Variants in IFFO1 observed in about 807,000 individuals in gnomAD.
IFFO1 encodes non-homologous end joining factor IFFO1.
IFFO1 carries 42 observed loss-of-function variants against 59.6 expected under a neutral mutation model. The observed-to-expected ratio is 0.70, with a 90% CI of 0.55 to 0.91. The LOEUF (loss-of-function observed/expected upper bound fraction) is 0.91, where lower values mean the gene tolerates loss of function less well. Among genes scored for constraint, IFFO1 ranks in the 40% least tolerant of loss-of-function variants. The probability of loss-of-function intolerance (pLI) is 0.00; values close to 1 mark genes in which losing one functional copy is unlikely to be tolerated. For missense variants in IFFO1, 711 were observed against 793.2 expected (o/e 0.90, Z 1.24); for synonymous variants, 336 against 342.8 (o/e 0.98, Z 0.22).
intron 8 of IFFO1, among the ~76,000 whole-genome samples, chr12:6,544,107 G>A (rs1169177549): frequency 6.6e-6 from 1 of 152,066 alleles, no homozygotes; most frequent in Non-Finnish European, 1.5e-5. Context: ...AAAGGTTGGG[G>A]ACTGCTGCCT....
intron 8 of IFFO1, chr12:6,544,937 G>C (rs1305966991): frequency 6.6e-6 from 1 of 152,236 alleles, no homozygotes; most frequent in Admixed American, 6.5e-5. Context: ...AGTCAAGGCC[G>C]GGCGCGGTGG....
rs775451966 is a variant in IFFO1 at position 6,549,774 on chromosome 12, G to GTCC, written c.1050_1052dup (p.Glu350dup). 2 of 1,613,888 alleles carry GTCC rather than the reference G, an allele frequency of 1.2e-6. No homozygotes were observed. The highest frequency in any genetic ancestry group is 1.7e-6 in the Non-Finnish European group (2 of 1,179,770). On this transcript the variant is annotated inframe_insertion, in exon 4 of 10. Transcript: ENST00000619571. This position sits in a 1 kb window ranked among gnomAD's most constrained non-coding sequence, Gnocchi z 5.0. ...TCCTCACCTGGAACATCTGGATCATGTCCTCGCAGTTGCGCTGCTGAGCCA... is the reference window on the plus strand; with the variant it reads ...TCCTCACCTGGAACATCTGGATCATGTCCTCCTCGCAGTTGCGCTGCTGAGCCA...
At chr12:6,551,469 G>A in intron 1 of IFFO1, 2 of 1,292,842 alleles carry the variant, frequency 1.5e-6, no homozygotes, top group Non-Finnish European at 2.0e-6. Context: ...CCGCTGCCCT[G>A]CCTCTTGTGG....
intron 1 of IFFO1, chr12:6,551,648 C>T (rs1034516501): frequency 3.7e-5 from 16 of 433,262 alleles, no homozygotes; most frequent in African/African-American, 1.4e-4. Flanking sequence ...GCTCAGAGGC[C>T]GGAAGTCCCA....
chr12:6,547,739 AAG>A (rs138238391), intron 8 of IFFO1, among the ~76,000 whole-genome samples: 90 of 144,672 alleles, frequency 6.2e-4, no homozygotes, highest in Admixed American at 6.2e-4. Flanking sequence ...GGGGGAGGGG[AAG>A]AGAGAGAGAG....
chr12:6,541,375 C>CCA lies in IFFO1; in HGVS notation c.1610+135_1610+136dup. 2 of 1,121,506 alleles carry CCA rather than the reference C, an allele frequency of 1.8e-6. No homozygotes were observed. Among genetic ancestry groups the CCA allele is most frequent in the Non-Finnish European group, 2.5e-6 (2 of 789,248 alleles). The allele number at this position is 1,121,506 out of a possible 1,614,324, so 69.5% of individuals were successfully genotyped here. A position where few individuals can be genotyped will look rare whatever the true frequency, so the allele number is the denominator to read the frequency against. ...AGAGAGCTGTGGGTCTGGGCCAGCC[C>CCA]CACCAGGTAACTCCCAAAGGGCAGC... On this transcript the variant is annotated intron_variant, in intron 9 of 9. Coordinates refer to ENST00000619571, the MANE Select transcript of IFFO1 (RefSeq NM_001193457.2). The surrounding 1 kb of genome is among the most constrained non-coding windows in gnomAD (Gnocchi z 4.8).
Position 6,555,219 on chromosome 12 carries a change from T to C in IFFO1, c.773+38A>G, listed in dbSNP as rs1240813164. On this transcript the variant is annotated intron_variant, in intron 1 of 9. Coordinates refer to ENST00000619571, the MANE Select transcript of IFFO1 (RefSeq NM_001193457.2). This position sits in a 1 kb window ranked among gnomAD's most constrained non-coding sequence, Gnocchi z 8.6. ...AACTCGCGGCCCGTTGTGAGTGGTATGACACAGAGAGACCTGTCCCCCTTT... is the reference window on the plus strand; with the variant it reads ...AACTCGCGGCCCGTTGTGAGTGGTACGACACAGAGAGACCTGTCCCCCTTT... 1 of 1,603,140 alleles carries C rather than the reference T, an allele frequency of 6.2e-7. No individual in the cohort carries two copies. The highest frequency in any genetic ancestry group is 1.1e-5 in the South Asian group (1 of 90,796).
chr12:6,547,836 C>T (rs1947037611), intron 8 of IFFO1, among the ~76,000 whole-genome samples: 1 of 152,014 alleles, frequency 6.6e-6, no homozygotes, highest in Admixed American at 6.5e-5. Context: ...TAACTTATTA[C>T]AAGTTCAGGG....
In IFFO1 at chr12:6,548,335, G is replaced by T. The variant is rs1037450648; in HGVS notation, c.1383+90C>A. 5.1e-5 allele frequency: 75 copies of T among 1,470,052 alleles called. No homozygotes were observed. The highest frequency in any genetic ancestry group is 6.8e-5 in the Non-Finnish European group (73 of 1,070,332). 91.1% of individuals were successfully genotyped at this position (1,470,052 alleles called of 1,614,324 possible). A position where few individuals can be genotyped will look rare whatever the true frequency, so the allele number is the denominator to read the frequency against. On this transcript the variant is annotated intron_variant, in intron 7 of 9. Coordinates refer to ENST00000619571, the MANE Select transcript of IFFO1 (RefSeq NM_001193457.2). This position sits in a 1 kb window ranked among gnomAD's most constrained non-coding sequence, Gnocchi z 6.1. ...CGCAGGTAGAGGATGACAGCCACAT[G>T]GGGGGACAGAGCAAGGAGAGGAGCG...
rs34135055 is a variant in IFFO1, at chr12:6,541,021, C to CAA, written c.1611-435_1611-434dup. Among the ~76,000 whole-genome samples, 26,375 of 132,832 alleles carry CAA rather than the reference C, an allele frequency of 0.2. 2,767 individuals carry two copies. Among genetic ancestry groups the CAA allele is most frequent in the East Asian group, 0.36 (1,656 of 4,558 alleles). The allele number at this position is 132,832 out of a possible 152,430, so 87.1% of individuals were successfully genotyped here. A position where few individuals can be genotyped will look rare whatever the true frequency, so the allele number is the denominator to read the frequency against. ...CTGGGAGGCGGAGGTTGTAGTGAGC[C>CAA]AAAAAAAAAAAAAAAAGAAATAGCT... On this transcript the variant is annotated intron_variant, in intron 9 of 9. Coordinates refer to ENST00000619571, the MANE Select transcript of IFFO1 (RefSeq NM_001193457.2). The surrounding 1 kb of genome is among the most constrained non-coding windows in gnomAD (Gnocchi z 4.8).
Position 6,548,414 on chromosome 12 carries a change from G to A in IFFO1, c.1383+11C>T, listed in dbSNP as rs1463728812. 3 of 1,603,910 alleles carry A rather than the reference G, an allele frequency of 1.9e-6. No homozygotes were observed. Among genetic ancestry groups the A allele is most frequent in the Non-Finnish European group, 2.6e-6 (3 of 1,174,944 alleles). The stretch of plus-strand genomic sequence containing the variant: ...GAGCCAGAGGGCCCTGAGGCCGGGA[G>A]CAGAGGTTACCTCTCCCTGGGCCTC... On this transcript the variant is annotated intron_variant, in intron 7 of 9. Coordinates refer to ENST00000619571, the MANE Select transcript of IFFO1 (RefSeq NM_001193457.2). The surrounding 1 kb of genome is among the most constrained non-coding windows in gnomAD (Gnocchi z 6.1).
In IFFO1 at chr12:6,548,052, C is replaced by A. The variant is rs75976428; in HGVS notation, c.1479+13G>T. On this transcript the variant is annotated intron_variant, in intron 8 of 9. Transcript: ENST00000619571. This position sits in a 1 kb window ranked among gnomAD's most constrained non-coding sequence, Gnocchi z 6.1. ...TGGGACACCACGCCCCTGGCTTCCGCTCCTGCCCTTACCTCTATCTGGTCA... is the reference window on the plus strand; with the variant it reads ...TGGGACACCACGCCCCTGGCTTCCGATCCTGCCCTTACCTCTATCTGGTCA... 18 of 1,607,008 alleles carry A rather than the reference C, an allele frequency of 1.1e-5. No homozygotes were observed. In the East Asian group the frequency reaches 3.8e-4, roughly 34 times the overall value.
In IFFO1 at chr12:6,548,658, G is replaced by T; in HGVS notation, c.1262+10C>A. Reference sequence around the variant, plus strand: ...CGTCGGTGCTGCGGGAGCACGGCCTGCGGACTCACAGCTGGTTGAGCATGC... The same window carrying T: ...CGTCGGTGCTGCGGGAGCACGGCCTTCGGACTCACAGCTGGTTGAGCATGC... On this transcript the variant is annotated intron_variant, in intron 6 of 9. Coordinates refer to ENST00000619571, the MANE Select transcript of IFFO1 (RefSeq NM_001193457.2). The surrounding 1 kb of genome is among the most constrained non-coding windows in gnomAD (Gnocchi z 6.1). The T allele has an allele frequency of 1.2e-6, 2 of 1,614,050 alleles. No homozygotes were observed. The highest frequency in any genetic ancestry group is 1.1e-5 in the South Asian group (1 of 91,090).
intron 1 of IFFO1, among the ~76,000 whole-genome samples, chr12:6,552,929 A>G (rs775975234): frequency 3.3e-5 from 5 of 152,156 alleles, no homozygotes; most frequent in Admixed American, 6.5e-5. Flanking sequence ...TTCTGCATGG[A>G]CCAAATATCT....
At position 6,555,932 on chromosome 12, in the gene IFFO1, G is replaced by A. The variant is rs1450583909; in HGVS notation, c.98C>T (p.Ala33Val). 4 of 1,551,424 alleles carry A rather than the reference G, an allele frequency of 2.6e-6. No homozygotes were observed. The highest frequency in any genetic ancestry group is 1.9e-5 in the Admixed American group (1 of 51,338). The change falls in exon 1 of 10, where the codon GCC becomes GTC. Residue 33 changes from alanine to valine, a missense_variant. This residue lies in a region of IFFO1 where 114 missense variants were observed against 102.4 expected (regional missense o/e 1.11). Transcript: ENST00000619571. This position sits in a 1 kb window ranked among gnomAD's most constrained non-coding sequence, Gnocchi z 8.6. ...CGCCGGGGGCAAGTCTCCTCCCCCGGCGAAGTGGTCGCCTCCCAGTGAGTC... is the reference window on the plus strand; with the variant it reads ...CGCCGGGGGCAAGTCTCCTCCCCCGACGAAGTGGTCGCCTCCCAGTGAGTC... ...LGDSLGGDHF[A>V]GGGDLPPAPL...
chr12:6,544,465 A>T (rs186805321), intron 8 of IFFO1, among the ~76,000 whole-genome samples: 36 of 152,276 alleles, frequency 2.4e-4, no homozygotes, highest in Non-Finnish European at 1.0e-4. Context: ...CACCACGCCC[A>T]GCCAAAAATA....
At position 6,540,549 on chromosome 12, in the gene IFFO1, C is replaced by T; in HGVS notation, c.1650G>A (p.Pro550=). The change falls in exon 10 of 10, where the codon CCG becomes CCA. Residue 550 remains proline, a synonymous_variant. Transcript: ENST00000619571. ...PAFTAVPLSD[P]PPPPSEAEDS... ...CCTCAGCCTCGCTTGGCGGCGGCGG[C>T]GGGTCGCTAAGCGGGACCGCAGTGA... 6.2e-7 allele frequency: 1 copy of T among 1,613,964 alleles called. No homozygotes were observed. The highest frequency in any genetic ancestry group is 1.1e-5 in the South Asian group (1 of 91,082).
rs1303427289 is a variant in IFFO1, at chr12:6,548,520, AGTC to A, written c.1285_1287del (p.Asp429del). 6.2e-7 allele frequency: 1 copy of A among 1,613,892 alleles called. No homozygotes were observed. The highest frequency in any genetic ancestry group is 1.7e-5 in the Admixed American group (1 of 60,004). On this transcript the variant is annotated inframe_deletion, in exon 7 of 10. Coordinates refer to ENST00000619571, the MANE Select transcript of IFFO1 (RefSeq NM_001193457.2). The surrounding 1 kb of genome is among the most constrained non-coding windows in gnomAD (Gnocchi z 6.1). Reference sequence around the variant, plus strand: ...GTCTCCTCCCAAGTCAGGCTGTCACAGTCGTCCTCAAAATCATACTCCCTCCTA... The same window carrying A: ...GTCTCCTCCCAAGTCAGGCTGTCACAGTCCTCAAAATCATACTCCCTCCTA...
chr12:6,551,509 G>A, intron 1 of IFFO1: 1 of 1,285,366 alleles, frequency 7.8e-7, no homozygotes, highest in South Asian at 1.2e-5. Flanking sequence ...AGCATCTGCA[G>A]GACACATAGT....
Sources: gnomAD v4.1 joint callset for allele counts (sites outside exome capture counted in the v4.1 genomes callset) on GRCh38, gnomAD v4.1.1 for gene constraint, gnomAD v4.1.1 regional missense constraint, Gnocchi (gnomAD v3.1) non-coding constraint, MANE v1.5 for transcripts, NCBI Gene and HGNC (gene_info 2026-07-23, HGNC 2026-07-21) for gene names.